HSPA4L: variants seen among roughly 807,000 people sequenced by gnomAD.
HSPA4L encodes the protein heat shock protein family A (Hsp70) member 4 like.
A neutral mutation model predicts 100.3 loss-of-function variants in HSPA4L; 48 were observed. The ratio of observed to expected loss-of-function variants is 0.48; its 90% CI spans 0.38 to 0.61. The LOEUF (loss-of-function observed/expected upper bound fraction) is 0.61. HSPA4L is among the 20% of genes least tolerant of loss of function. The probability of loss-of-function intolerance (pLI) is 0.00; values close to 1 mark genes in which losing one functional copy is unlikely to be tolerated. For synonymous variants in HSPA4L, 319 were observed against 328.2 expected (o/e 0.97, Z 0.30); for missense variants, 886 against 988.6 (o/e 0.90, Z 1.39).
chr4:127,810,163 A>G (rs1253670508), intron 11 of HSPA4L, among the ~76,000 whole-genome samples: 1 of 152,218 alleles, frequency 6.6e-6, no homozygotes, highest in African/African-American at 2.4e-5. Context: ...AAGTGAGAAT[A>G]GGAGATTGTA....
intron 12 of HSPA4L, among the ~76,000 whole-genome samples, chr4:127,814,961 C>G (rs1407373174): frequency 6.6e-6 from 1 of 152,064 alleles, no homozygotes; most frequent in African/African-American, 2.4e-5. Flanking sequence ...GTCTCCCCTT[C>G]CCCTCAAAAA....
intron 5 of HSPA4L, 76 bp downstream of exon 5, chr4:127,801,313 TA>T: frequency 9.2e-7 from 1 of 1,090,024 alleles, no homozygotes. Flanking sequence ...AACAAAGCAT[TA>T]TTTTTTTTTA....
upstream of HSPA4L, chr4:127,782,122 A>T (rs1481098301): frequency 2.2e-6 from 1 of 453,072 alleles, no homozygotes; most frequent in Non-Finnish European, 4.4e-6. Flanking sequence ...CCGCCCCCGG[A>T]TAGCTCAGCA....
At chr4:127,827,227 C>T (rs1733969653) in intron 16 of HSPA4L, 78 bp from the exon 17 acceptor site, 3 of 1,144,362 alleles carry the variant, frequency 2.6e-6, no homozygotes, top group Admixed American at 2.2e-5. Context: ...TCCTATTTAT[C>T]ATCCTATAAG....
intron 13 of HSPA4L, among the ~76,000 whole-genome samples, chr4:127,820,006 T>A (rs1733766624): frequency 6.6e-6 from 1 of 152,174 alleles, no homozygotes; most frequent in African/African-American, 2.4e-5. Flanking sequence ...TGGGTCATAA[T>A]TGTTTAACAT....
chr4:127,798,749 T>A, intron 4 of HSPA4L, 40 bp downstream of exon 4: 1 of 1,587,856 alleles, frequency 6.3e-7, no homozygotes, highest in Non-Finnish European at 8.6e-7. Context: ...TGAATTATAT[T>A]TTACAGTGTA....
At position 127,795,844 on chromosome 4, in the gene HSPA4L, A is replaced by T; in HGVS notation, c.242A>T (p.Gln81Leu). Residue 81 changes from glutamine (Q) to leucine (L), a missense_variant, in exon 3 of 19, where the codon CAA becomes CTA. Coordinates refer to ENST00000296464, the MANE Select transcript of HSPA4L (RefSeq NM_014278.4). ...HGRSFDDPIVQTERIRLPYEL... is the reference protein window; with the variant it reads ...HGRSFDDPIVLTERIRLPYEL... Reference sequence around the variant, plus strand: ...CGATCATTTGATGATCCCATTGTGCAAACTGAAAGGATCAGGCTTCCCTAT... The same window carrying T: ...CGATCATTTGATGATCCCATTGTGCTAACTGAAAGGATCAGGCTTCCCTAT... 1 of 1,613,794 alleles carries T rather than the reference A, an allele frequency of 6.2e-7. No homozygotes were observed. The highest frequency in any genetic ancestry group is 8.5e-7 in the Non-Finnish European group (1 of 1,179,724).
At position 127,827,312 on chromosome 4, in the gene HSPA4L, G is replaced by A. The variant is rs141383757; in HGVS notation, c.2054G>A (p.Gly685Asp). 1.9e-3 allele frequency: 3,046 copies of A among 1,607,742 alleles called. 6 individuals are homozygous for A. The highest frequency in any genetic ancestry group is 2.4e-3 in the Non-Finnish European group (2,775 of 1,177,432). Residue 685 changes from glycine to aspartate, a missense_variant, in exon 17 of 19, where the codon GGC becomes GAC. Transcript: ENST00000296464. The part of the protein sequence containing the change: ...VDKLQELKKY[G>D]QPIQMKYMEH... ...AATTTCTTATGTTAACAGAAATACG[G>A]CCAGCCTATTCAAATGAAGTACATG...
intron 11 of HSPA4L, among the ~76,000 whole-genome samples, chr4:127,810,772 A>G (rs764569575): frequency 1.3e-5 from 2 of 152,078 alleles, no homozygotes; most frequent in South Asian, 2.1e-4. Flanking sequence ...CAAAACACAC[A>G]TAGTCATGTT....
chr4:127,828,971 A>G (rs1734014725), intron 17 of HSPA4L, among the ~76,000 whole-genome samples: 1 of 152,196 alleles, frequency 6.6e-6, no homozygotes, highest in African/African-American at 2.4e-5. Context: ...ATTGTCAAAC[A>G]AAACATTGAA....
chr4:127,828,563 C>T (rs767726880), intron 17 of HSPA4L, among the ~76,000 whole-genome samples: 6 of 152,192 alleles, frequency 3.9e-5, no homozygotes, highest in South Asian at 2.1e-4. Context: ...AACTATACTG[C>T]TTTCCACTAC....
intron 1 of HSPA4L, among the ~76,000 whole-genome samples, chr4:127,783,276 G>GC (rs1732618167): frequency 6.6e-6 from 1 of 151,870 alleles, no homozygotes; most frequent in Non-Finnish European, 1.5e-5. Flanking sequence ...GGTTTACAGG[G>GC]CCAGGTCAAT....
At chr4:127,788,614 T>G (rs1435266847) in intron 1 of HSPA4L, among the ~76,000 whole-genome samples, 1 of 152,236 alleles carries the variant, frequency 6.6e-6, no homozygotes, top group Non-Finnish European at 1.5e-5. Context: ...AATGTTGTTC[T>G]AGGGCAGAGG....
intron 5 of HSPA4L, among the ~76,000 whole-genome samples, chr4:127,801,458 CGTGTGTGTGTGT>C (rs33966471): frequency 0.026 from 3,801 of 144,802 alleles, 82 homozygotes; most frequent in African/African-American, 0.047. Context: ...TATAAAAATA[CGTGTGTGTGTGT>C]GTGTGTGTGT....
chr4:127,823,674 A>C (rs1447937704), intron 16 of HSPA4L, 50 bp downstream of exon 16: 3 of 1,134,274 alleles, frequency 2.6e-6, no homozygotes, highest in Non-Finnish European at 3.9e-6. Context: ...CTTTTTCTAA[A>C]AATTAGGGTG....
At chr4:127,830,509 T>G (rs1734051407) in intron 17 of HSPA4L, 129 bp from the exon 18 acceptor site, 4 of 585,458 alleles carry the variant, frequency 6.8e-6, no homozygotes, top group Non-Finnish European at 8.4e-6. Context: ...TCGTATGGGG[T>G]TTCTTCAGAT....
At chr4:127,797,215 C>T (rs1054153968) in intron 3 of HSPA4L, among the ~76,000 whole-genome samples, 2 of 152,060 alleles carry the variant, frequency 1.3e-5, no homozygotes, top group Admixed American at 6.6e-5. Flanking sequence ...ATGATAGTAA[C>T]AACTGAGATA....
rs1048431239 is a variant in HSPA4L, at chr4:127,834,039, T to C, written c.*1165T>C. 6 of 152,308 alleles carry C rather than the reference T, an allele frequency of 3.9e-5. No individual in the cohort carries two copies. The highest frequency in any genetic ancestry group is 1.2e-4 in the African/African-American group (5 of 41,588). The allele number at this position is 152,308 out of a possible 1,614,324, so 9.4% of individuals were successfully genotyped here. ...TTGGCTCCAGTTTTGGTGCTTCTTA[T>C]ACAAATTAAATGCGAAAAGGGACTG... is the stretch of plus-strand genomic sequence containing the variant. On this transcript the variant is annotated 3_prime_UTR_variant, in exon 19 of 19. Transcript: ENST00000296464.
chr4:127,823,273 T>G (rs1277576809), intron 15 of HSPA4L, among the ~76,000 whole-genome samples: 1 of 152,106 alleles, frequency 6.6e-6, no homozygotes, highest in East Asian at 1.9e-4. Context: ...CTCACCCTCA[T>G]AAGTAGATGG....
Sources: allele counts gnomAD v4.1 joint callset (sites outside exome capture counted in the v4.1 genomes callset), GRCh38; gene constraint gnomAD v4.1.1; transcripts MANE v1.5; gene names NCBI Gene and HGNC (gene_info 2026-07-23, HGNC 2026-07-21).